The following BCO1 variants were observed in gnomAD, a reference collection of about 807,000 sequenced individuals.
The protein encoded by BCO1 is beta,beta-carotene 15,15'-dioxygenase.
Under a neutral mutation model 56.3 loss-of-function variants are expected in BCO1, and 54 were observed. That is an observed-to-expected ratio of 0.96 (90% confidence interval 0.77 to 1.20). The LOEUF (loss-of-function observed/expected upper bound fraction) is 1.20. Among genes scored for constraint, BCO1 ranks in the 50% most tolerant of loss-of-function variants. BCO1 has a pLI of 0.00. For missense variants in BCO1, 801 were observed against 690.9 expected, an observed-to-expected ratio of 1.16 and a Z score of -1.79; for synonymous variants, 318 against 266.1, an observed-to-expected ratio of 1.20 and a Z score of -1.90.
chr16:81,287,220 CA>C (rs1908233572), intron 9 of BCO1, 74 bp from the exon 10 acceptor site: 3 of 1,103,438 alleles, frequency 2.7e-6, no homozygotes, highest in Non-Finnish European at 4.2e-6. Context: ...TGTGGATCTT[CA>C]TGCACTCCTA....
chr16:81,271,193 C>T (rs940102478), intron 7 of BCO1, among the ~76,000 whole-genome samples: 2 of 152,066 alleles, frequency 1.3e-5, no homozygotes, highest in African/African-American at 4.8e-5. Context: ...AAGCTCACTG[C>T]AACCTCTGCC....
In BCO1 at chr16:81,257,660, G is replaced by T. The variant is rs1372109468; in HGVS notation, c.194-2016G>T. Among the ~76,000 whole-genome samples, 4 of 152,050 alleles carry T rather than the reference G, an allele frequency of 2.6e-5. No homozygotes were observed. The East Asian group carries it at 5.9e-4, about 22-fold the overall frequency. ...GGAGGCCGAGGCAGGTGGGTCTCCT[G>T]TGGTCAGGAGTTCGAGACCAGTCTG... is the stretch of plus-strand genomic sequence containing the variant. On this transcript the variant is annotated intron_variant, in intron 2 of 10. Transcript: ENST00000258168.
intron 2 of BCO1, among the ~76,000 whole-genome samples, chr16:81,248,405 C>CA (rs372084002): frequency 0.55 from 56,281 of 102,872 alleles, 16,083 homozygotes; most frequent in South Asian, 0.69. Flanking sequence ...CTCCCTCTCA[C>CA]AAAAAAAAAA....
intron 6 of BCO1, among the ~76,000 whole-genome samples, chr16:81,268,721 A>G (rs1388559926): frequency 1.3e-5 from 2 of 152,150 alleles, no homozygotes; most frequent in Non-Finnish European, 2.9e-5. Flanking sequence ...GAATACATGT[A>G]CGTGTGCATG....
At chr16:81,264,226 C>T (rs1273859081) in intron 4 of BCO1, 2 of 276,862 alleles carry the variant, frequency 7.2e-6, no homozygotes, top group South Asian at 4.3e-5. Flanking sequence ...GAACTGTGGC[C>T]AAGATTAGCT....
intron 2 of BCO1, among the ~76,000 whole-genome samples, chr16:81,248,705 C>T (rs547032787): frequency 2.0e-5 from 3 of 152,150 alleles, no homozygotes; most frequent in East Asian, 1.9e-4. Context: ...GGATGAGGAA[C>T]ATAGAAGGTA....
chr16:81,250,779 C>A (rs993684860), intron 2 of BCO1, among the ~76,000 whole-genome samples: 2 of 151,998 alleles, frequency 1.3e-5, no homozygotes, highest in Admixed American at 1.3e-4. Context: ...TAGGGTCTCG[C>A]CATGTTGGCC....
intron 7 of BCO1, among the ~76,000 whole-genome samples, chr16:81,280,310 TACACACACACACAGACACAC>T (rs1907800511): frequency 7.5e-5 from 2 of 26,668 alleles, no homozygotes; most frequent in Non-Finnish European, 9.5e-5. Flanking sequence ...AAAAAAAAAT[TACACACACACACAGACACAC>T]ACACACACAC....
chr16:81,281,085 G>C (rs893546592), intron 8 of BCO1, 123 bp downstream of exon 8: 18 of 724,914 alleles, frequency 2.5e-5, no homozygotes, highest in Non-Finnish European at 4.9e-6. Context: ...AAAGGGTCTT[G>C]GGATGCCCTG....
At chr16:81,284,394 C>A (rs1908056910) in intron 8 of BCO1, among the ~76,000 whole-genome samples, 1 of 151,706 alleles carries the variant, frequency 6.6e-6, no homozygotes, top group Non-Finnish European at 1.5e-5. Context: ...TAGATTCTAT[C>A]ATAGAAAATG....
At chr16:81,256,024 C>T (rs571424793) in intron 2 of BCO1, among the ~76,000 whole-genome samples, 2 of 152,048 alleles carry the variant, frequency 1.3e-5, no homozygotes, top group Non-Finnish European at 2.9e-5. Context: ...CCATGTTGGC[C>T]AGGCTGGTCT....
intron 5 of BCO1, among the ~76,000 whole-genome samples, chr16:81,266,005 C>T (rs748224490): frequency 2.0e-5 from 3 of 152,082 alleles, no homozygotes; most frequent in Non-Finnish European, 2.9e-5. Flanking sequence ...TACTATCCAC[C>T]GATTCATGCA....
chr16:81,256,796 G>A (rs183553991), intron 2 of BCO1, among the ~76,000 whole-genome samples: 69 of 152,180 alleles, frequency 4.5e-4, no homozygotes, highest in African/African-American at 1.5e-3. Flanking sequence ...GCTGAGGCAG[G>A]AGAATCGTTC....
chr16:81,290,321 A>G, intron 10 of BCO1, 27 bp from the exon 11 acceptor site: 2 of 1,579,368 alleles, frequency 1.3e-6, no homozygotes, highest in Non-Finnish European at 1.7e-6. Context: ...CACTTTTACG[A>G]AGTGTTTTTT....
rs770558794 is a variant in BCO1 at position 81,259,779 on chromosome 16, G to A, written c.297G>A (p.Pro99=). The A allele has an allele frequency of 3.5e-5, 57 of 1,614,036 alleles. No individual in the cohort carries two copies. The highest frequency in any genetic ancestry group is 2.3e-4 in the Admixed American group (14 of 60,006). Residue 99 remains proline (P), a synonymous_variant, in exon 3 of 11, where the codon CCG becomes CCA. Transcript: ENST00000258168. The part of the protein sequence containing the change: ...VVSEFGTMAY[P]DPCKNIFSKA... ...CTGAGTTTGGAACAATGGCCTATCC[G>A]GACCCCTGCAAAAACATATTTTCCA...
At chr16:81,285,371 T>G (rs1405157479) in intron 8 of BCO1, among the ~76,000 whole-genome samples, 169 bp from the exon 9 acceptor site, 1 of 152,114 alleles carries the variant, frequency 6.6e-6, no homozygotes, top group African/African-American at 2.4e-5. Flanking sequence ...TACCAGAGGC[T>G]CCCTCCCCTG....
At chr16:81,242,181 G>C (rs534563232) in intron 1 of BCO1, among the ~76,000 whole-genome samples, 1 of 147,016 alleles carries the variant, frequency 6.8e-6, no homozygotes, top group African/African-American at 2.5e-5. Context: ...CAAGGCAAGA[G>C]ACTTGGCTGT....
In BCO1 at chr16:81,261,123, G is replaced by A. The variant is rs1014603079; in HGVS notation, c.324-1013G>A. ...GCCAGTGAGAAAGGAGGAGGAAAGA[G>A]CAAAGGAATTTAAAACCACCATACT... On this transcript the variant is annotated intron_variant, in intron 3 of 10. Coordinates refer to ENST00000258168, the MANE Select transcript of BCO1 (RefSeq NM_017429.3). Among the ~76,000 whole-genome samples the A allele has an allele frequency of 5.3e-5, 8 of 152,164 alleles. No individual in the cohort carries two copies. The South Asian group carries it at 1.0e-3, about 20-fold the overall frequency.
At chr16:81,257,435 T>G (rs1269467378) in intron 2 of BCO1, among the ~76,000 whole-genome samples, 1 of 151,814 alleles carries the variant, frequency 6.6e-6, no homozygotes. Flanking sequence ...CAGCTAATTT[T>G]TGCATTTTTA....
Sources: allele counts gnomAD v4.1 joint callset (sites outside exome capture counted in the v4.1 genomes callset), GRCh38; gene constraint gnomAD v4.1.1; transcripts MANE v1.5; gene names NCBI Gene and HGNC (gene_info 2026-07-23, HGNC 2026-07-21).